The following LRP1B variants were observed in gnomAD, a reference collection of about 807,000 sequenced individuals.
LRP1B encodes the protein LDL receptor related protein 1B, also known as low-density lipoprotein receptor-related protein 1B.
Under a neutral mutation model 556.6 loss-of-function variants are expected in LRP1B, and 217 were observed. The observed-to-expected ratio is 0.39, with a 90% CI of 0.35 to 0.44. The LOEUF (loss-of-function observed/expected upper bound fraction) is 0.44. Ranked by LOEUF, LRP1B falls within the 20% of genes least tolerant of loss-of-function variation. The pLI is 1.00. For synonymous variants in LRP1B, 2,047 were observed against 1,865.8 expected (o/e 1.10, Z -2.50); for missense variants, 5,053 against 5,620.8 (o/e 0.90, Z 3.23).
chr2:140,741,255 C>A (rs1241850619), intron 35 of LRP1B, among the ~76,000 whole-genome samples: 2 of 152,110 alleles, frequency 1.3e-5, no homozygotes, highest in Non-Finnish European at 2.9e-5. Context: ...AATTTCATTT[C>A]ACCCCCAACC....
intron 7 of LRP1B, among the ~76,000 whole-genome samples, chr2:141,147,224 G>A (rs546639645): frequency 1.3e-5 from 2 of 152,250 alleles, no homozygotes; most frequent in South Asian, 4.1e-4. Context: ...AGTGGCAAGG[G>A]CTTCCTGTGG....
In LRP1B at chr2:141,431,583, C is replaced by G. The variant is rs368329975; in HGVS notation, c.343+48813G>C. 1.8e-4 allele frequency among the ~76,000 whole-genome samples: 28 copies of G among 152,162 alleles called. No individual in the cohort carries two copies. In the East Asian group the frequency reaches 3.1e-3, roughly 17 times the overall value. ...AGCTATAGATCAATTGGAAATATTG[C>G]CATTTAAACAATAGGAAGTCTGTTA... On this transcript the variant is annotated intron_variant, in intron 3 of 90. Coordinates refer to ENST00000389484, the MANE Select transcript of LRP1B (RefSeq NM_018557.3).
chr2:140,553,307 G>T (rs1224750180), intron 43 of LRP1B, among the ~76,000 whole-genome samples: 1 of 151,916 alleles, frequency 6.6e-6, no homozygotes, highest in Non-Finnish European at 1.5e-5. Context: ...ACCTGAGGGA[G>T]TTTGTAGAAC....
At chr2:141,206,531 G>A (rs895885064) in intron 6 of LRP1B, among the ~76,000 whole-genome samples, 1 of 151,942 alleles carries the variant, frequency 6.6e-6, no homozygotes, top group Non-Finnish European at 1.5e-5. Context: ...AGCTTGCAGT[G>A]AGCCGAGATC....
intron 1 of LRP1B, among the ~76,000 whole-genome samples, chr2:141,954,571 A>G (rs991139596): frequency 2.0e-5 from 3 of 152,158 alleles, no homozygotes; most frequent in Non-Finnish European, 4.4e-5. Flanking sequence ...TGTGAATATT[A>G]AACATATAAA....
chr2:140,688,610 T>C (rs1180301806), intron 41 of LRP1B, among the ~76,000 whole-genome samples: 1 of 152,212 alleles, frequency 6.6e-6, no homozygotes, highest in African/African-American at 2.4e-5. Context: ...GCAGCCCATT[T>C]TCAGCTCTTC....
chr2:141,415,214 C>T (rs1346987248), intron 3 of LRP1B, among the ~76,000 whole-genome samples: 2 of 152,138 alleles, frequency 1.3e-5, no homozygotes, highest in South Asian at 2.1e-4. Context: ...GGGGTTTCAC[C>T]GTATTAGACA....
chr2:141,125,683 G>C (rs73962440), intron 7 of LRP1B, among the ~76,000 whole-genome samples: 2,786 of 151,984 alleles, frequency 0.018, 78 homozygotes, highest in African/African-American at 0.064. Flanking sequence ...TCTCACAATG[G>C]GAGAAACGGC....
intron 43 of LRP1B, among the ~76,000 whole-genome samples, chr2:140,558,010 T>C (rs185346197): frequency 1.3e-5 from 2 of 152,150 alleles, no homozygotes; most frequent in African/African-American, 4.8e-5. Context: ...AAATACTTGT[T>C]GAACAAAAGA....
intron 7 of LRP1B, among the ~76,000 whole-genome samples, chr2:141,153,588 T>C (rs1170209470): frequency 1.5e-5 from 2 of 136,322 alleles, no homozygotes; most frequent in African/African-American, 2.7e-5. Context: ...TATTATATAT[T>C]AGCTATATAT....
chr2:141,430,496 T>C (rs1293556921), intron 3 of LRP1B, among the ~76,000 whole-genome samples: 1 of 152,210 alleles, frequency 6.6e-6, no homozygotes, highest in Non-Finnish European at 1.5e-5. Context: ...GATATTACTG[T>C]ATATTTGGCA....
intron 11 of LRP1B, among the ~76,000 whole-genome samples, chr2:141,047,455 C>G (rs1698908541): frequency 6.6e-6 from 1 of 152,068 alleles, no homozygotes. Context: ...GGAGAGACCA[C>G]CATTTACACC....
chr2:142,081,030 C>G (rs1705692977), intron 1 of LRP1B, among the ~76,000 whole-genome samples: 1 of 152,140 alleles, frequency 6.6e-6, no homozygotes, highest in South Asian at 2.1e-4. Context: ...GGCTTTCCCT[C>G]TAACTGGGAA....
At chr2:140,264,978 T>C (rs897724033) in intron 86 of LRP1B, among the ~76,000 whole-genome samples, 3 of 152,094 alleles carry the variant, frequency 2.0e-5, no homozygotes, top group African/African-American at 7.2e-5. Context: ...TGTGTGTGTG[T>C]GCCTGTGTTC....
intron 3 of LRP1B, among the ~76,000 whole-genome samples, chr2:141,303,209 G>T (rs1686460361): frequency 6.6e-6 from 1 of 152,068 alleles, no homozygotes; most frequent in Admixed American, 6.6e-5. Flanking sequence ...TACATGCATA[G>T]AATGGTTAAT....
At chr2:141,579,727 T>TTG in intron 2 of LRP1B, among the ~76,000 whole-genome samples, 1 of 137,600 alleles carries the variant, frequency 7.3e-6, no homozygotes. Context: ...GGTTTCACTT[T>TTG]TTTTTTTTTT....
intron 2 of LRP1B, among the ~76,000 whole-genome samples, chr2:141,732,041 A>G (rs1229255574): frequency 1.3e-5 from 2 of 152,228 alleles, no homozygotes; most frequent in Admixed American, 1.3e-4. Flanking sequence ...CTCCGCCTCC[A>G]TTCACCCATC....
intron 60 of LRP1B, among the ~76,000 whole-genome samples, chr2:140,460,669 C>A (rs1395362620): frequency 1.3e-5 from 2 of 152,070 alleles, no homozygotes; most frequent in African/African-American, 4.8e-5. Flanking sequence ...ATAAACAGAG[C>A]TGCTGTGTGG....
chr2:141,349,509 A>G (rs1004493417), intron 3 of LRP1B, among the ~76,000 whole-genome samples: 2 of 152,122 alleles, frequency 1.3e-5, no homozygotes, highest in Non-Finnish European at 2.9e-5. Flanking sequence ...TCTGTAGTTT[A>G]CTAAAACCCT....
Sources: allele counts gnomAD v4.1 joint callset (sites outside exome capture counted in the v4.1 genomes callset), GRCh38; gene constraint gnomAD v4.1.1; transcripts MANE v1.5; gene names NCBI Gene and HGNC (gene_info 2026-07-23, HGNC 2026-07-21).